ANKRD27: variants seen among roughly 807,000 people sequenced by gnomAD.
The protein encoded by ANKRD27 is ankyrin repeat domain 27.
Under a neutral mutation model 129.7 loss-of-function variants are expected in ANKRD27, and 112 were observed. The observed-to-expected ratio is 0.86, with a 90% CI of 0.74 to 1.01. The LOEUF is 1.01. Ranked by LOEUF, ANKRD27 falls within the 50% of genes least tolerant of loss-of-function variation. ANKRD27 has a pLI of 0.00. For missense variants in ANKRD27, 1,258 were observed against 1,300.5 expected (o/e 0.97, Z 0.50); for synonymous variants, 516 against 511.2 (o/e 1.01, Z -0.13).
chr19:32,667,022 T>C (rs568221133), intron 1 of ANKRD27, among the ~76,000 whole-genome samples: 13 of 152,346 alleles, frequency 8.5e-5, no homozygotes, highest in Admixed American at 5.9e-4. Context: ...AGAATGCTAA[T>C]ACCTGTCTGC....
chr19:32,629,841 GTTCTT>G (rs1388416958), intron 13 of ANKRD27, among the ~76,000 whole-genome samples: 4 of 110,974 alleles, frequency 3.6e-5, no homozygotes, highest in African/African-American at 1.1e-4. Context: ...TTCCTCTTGT[GTTCTT>G]TTTTTTTTTT....
At chr19:32,614,835 C>T (rs1214456054) in intron 22 of ANKRD27, among the ~76,000 whole-genome samples, 1 of 152,032 alleles carries the variant, frequency 6.6e-6, no homozygotes, top group East Asian at 1.9e-4. Flanking sequence ...ACAAGCAGAA[C>T]TGGGGAAATC....
At chr19:32,632,568 G>A (rs1261917276) in intron 12 of ANKRD27, among the ~76,000 whole-genome samples, 1 of 124,232 alleles carries the variant, frequency 8.0e-6, no homozygotes, top group Non-Finnish European at 1.6e-5. Context: ...CTGGGTGACA[G>A]AGCAAGACTC....
At chr19:32,658,089 C>T (rs533693441) in intron 2 of ANKRD27, among the ~76,000 whole-genome samples, 4 of 152,152 alleles carry the variant, frequency 2.6e-5, no homozygotes, top group Non-Finnish European at 5.9e-5. Context: ...CAGTTCAAAC[C>T]CTCAGGCACC....
chr19:32,623,752 T>G (rs1225483372), intron 17 of ANKRD27, among the ~76,000 whole-genome samples: 1 of 151,922 alleles, frequency 6.6e-6, no homozygotes. Context: ...GGTTTCACCA[T>G]GTTGGCCAGG....
At chr19:32,646,704 C>T in intron 3 of ANKRD27, 89 bp from the exon 4 acceptor site, 1 of 1,411,684 alleles carries the variant, frequency 7.1e-7, no homozygotes, top group Non-Finnish European at 9.6e-7. Context: ...CTTAACCAGA[C>T]CCTACGGCCT....
chr19:32,656,138 A>AAAAG (rs1341123145), intron 2 of ANKRD27, among the ~76,000 whole-genome samples: 3 of 145,008 alleles, frequency 2.1e-5, no homozygotes, highest in African/African-American at 7.5e-5. Flanking sequence ...AAAAGAAAAG[A>AAAAG]AAAAGAAAAG....
intron 13 of ANKRD27, among the ~76,000 whole-genome samples, chr19:32,631,142 C>T (rs904960232): frequency 2.6e-5 from 4 of 152,060 alleles, no homozygotes; most frequent in African/African-American, 9.7e-5. Flanking sequence ...CCTCAGCCTC[C>T]CGAATAGTGA....
chr19:32,616,887 A>G (rs2145271145), intron 21 of ANKRD27, among the ~76,000 whole-genome samples: 1 of 152,004 alleles, frequency 6.6e-6, no homozygotes, highest in Non-Finnish European at 1.5e-5. Flanking sequence ...TCGCCTCTCT[A>G]CTTCCTCCTC....
At chr19:32,619,206 C>T in intron 20 of ANKRD27, 54 bp downstream of exon 20, 3 of 1,576,334 alleles carry the variant, frequency 1.9e-6, no homozygotes, top group Non-Finnish European at 2.6e-6. Flanking sequence ...CTGGACACCA[C>T]TGCCCAGGGC....
At chr19:32,630,240 T>G (rs1444872917) in intron 13 of ANKRD27, among the ~76,000 whole-genome samples, 1 of 152,208 alleles carries the variant, frequency 6.6e-6, no homozygotes, top group African/African-American at 2.4e-5. Flanking sequence ...CTGGACGTGC[T>G]CATTCCCCAG....
chr19:32,661,199 T>TAA (rs78062810), intron 1 of ANKRD27, among the ~76,000 whole-genome samples: 127 of 114,880 alleles, frequency 1.1e-3, no homozygotes, highest in African/African-American at 4.0e-3. Context: ...AGATGCTGTC[T>TAA]AAAAAAAAAA....
chr19:32,669,429 G>T lies in ANKRD27; in HGVS notation c.-31+5642C>A, dbSNP rs376572099. 1.6e-4 allele frequency among the ~76,000 whole-genome samples: 25 copies of T among 152,322 alleles called. No individual in the cohort carries two copies. In the South Asian group the frequency reaches 5.2e-3, roughly 32 times the overall value. ...CACCACAATGAGATAATGCAATTTTGCTGGGACAGAGTCACAAGAACACAA... is the reference window on the plus strand; with the variant it reads ...CACCACAATGAGATAATGCAATTTTTCTGGGACAGAGTCACAAGAACACAA... On this transcript the variant is annotated intron_variant, in intron 1 of 28. Coordinates refer to ENST00000306065, the MANE Select transcript of ANKRD27 (RefSeq NM_032139.3).
intron 22 of ANKRD27, among the ~76,000 whole-genome samples, chr19:32,613,412 A>G (rs1025327700): frequency 6.6e-6 from 1 of 152,226 alleles, no homozygotes; most frequent in Non-Finnish European, 1.5e-5. Context: ...CAATGACCAT[A>G]TGACTCCACA....
In ANKRD27 at chr19:32,604,367, C is replaced by T. The variant is rs1432029176; in HGVS notation, c.2551G>A (p.Val851Met). The T allele has an allele frequency of 1.9e-6, 3 of 1,613,708 alleles. No homozygotes were observed. The highest frequency in any genetic ancestry group is 2.2e-5 in the East Asian group (1 of 44,888). Residue 851 changes from valine to methionine, a missense_variant, in exon 25 of 29, where the codon GTG becomes ATG. Coordinates refer to ENST00000306065, the MANE Select transcript of ANKRD27 (RefSeq NM_032139.3). ...ACCACGAAGACGTGCTTTTCAATCA[C>T]AGCCTCGTGCAGCGCTGTGTTGCCC... ...NKGNTALHEAVIEKHVFVVEL... is the reference protein window; with the variant it reads ...NKGNTALHEAMIEKHVFVVEL...
rs1219149051 is a variant in ANKRD27, at chr19:32,626,779, T to C, written c.1469A>G (p.Asn490Ser). ...AGTGGCTCCATGGTAGTCTGTGGCA[T>C]TTACCATGGCGCCCTTGGAAACCAG... ...DLLVSKGAMV[N>S]ATDYHGATPL... Residue 490 changes from asparagine to serine, a missense_variant, in exon 16 of 29, where the codon AAT (asparagine) becomes AGT (serine). By Grantham distance (46) the Asn-to-Ser change is conservative. Transcript: ENST00000306065. 6.2e-7 allele frequency: 1 copy of C among 1,612,556 alleles called. No homozygotes were observed. Among genetic ancestry groups the C allele is most frequent in the East Asian group, 2.2e-5 (1 of 44,780 alleles).
At chr19:32,667,417 T>G (rs1453472460) in intron 1 of ANKRD27, among the ~76,000 whole-genome samples, 1 of 152,256 alleles carries the variant, frequency 6.6e-6, no homozygotes, top group African/African-American at 2.4e-5. Flanking sequence ...CTCGCTGTGT[T>G]GCCCAGGGTG....
chr19:32,633,515 G>A (rs190631250), intron 12 of ANKRD27, among the ~76,000 whole-genome samples: 15 of 151,292 alleles, frequency 9.9e-5, no homozygotes, highest in African/African-American at 1.9e-4. Flanking sequence ...TAAAGATGGC[G>A]GTCTCGCTAC....
intron 9 of ANKRD27, 92 bp downstream of exon 9, chr19:32,643,031 G>T (rs1252922771): frequency 4.4e-6 from 1 of 229,506 alleles, no homozygotes; most frequent in Non-Finnish European, 9.8e-6. Context: ...TCAAACCAGC[G>T]TGTCACCTCT....
Sources: gnomAD v4.1 joint callset for allele counts (sites outside exome capture counted in the v4.1 genomes callset) on GRCh38, gnomAD v4.1.1 for gene constraint, MANE v1.5 for transcripts, NCBI Gene and HGNC (gene_info 2026-07-23, HGNC 2026-07-21) for gene names.